Variants in SH3GL2 observed in about 807,000 individuals in gnomAD.
SH3GL2 encodes the protein SH3 domain containing GRB2 like 2, endophilin A1.
In SH3GL2, 24 loss-of-function variants were observed where a neutral mutation model predicts 46.0. That is an observed-to-expected ratio of 0.52 (90% CI 0.38 to 0.73). The LOEUF is 0.73. Ranked by LOEUF, SH3GL2 falls within the 30% of genes least tolerant of loss-of-function variation. The pLI, the probability that SH3GL2 is intolerant of heterozygous loss-of-function variation, is 0.00. For missense variants in SH3GL2, 413 were observed against 424.2 expected (o/e 0.97, Z 0.23); for synonymous variants, 196 against 147.1 (o/e 1.33, Z -2.40).
At chr9:17,757,015 A>C (rs1049296608) in intron 2 of SH3GL2, among the ~76,000 whole-genome samples, 1 of 152,116 alleles carries the variant, frequency 6.6e-6, no homozygotes, top group Non-Finnish European at 1.5e-5. Flanking sequence ...AATGATTACC[A>C]TTCTAACTGG....
At chr9:17,770,352 G>C (rs945074431) in intron 3 of SH3GL2, among the ~76,000 whole-genome samples, 29 of 152,268 alleles carry the variant, frequency 1.9e-4, no homozygotes, top group African/African-American at 6.7e-4. Flanking sequence ...TCTTTATTCA[G>C]ATATTACTAT....
chr9:17,725,513 C>T (rs1457950164), intron 1 of SH3GL2, among the ~76,000 whole-genome samples: 1 of 152,122 alleles, frequency 6.6e-6, no homozygotes, highest in Admixed American at 6.6e-5. Flanking sequence ...TAAAGTCAGT[C>T]TCCTCAGTCA....
chr9:17,718,711 C>A (rs1263280431), intron 1 of SH3GL2, among the ~76,000 whole-genome samples: 1 of 152,130 alleles, frequency 6.6e-6, no homozygotes, highest in African/African-American at 2.4e-5. Context: ...GCCTGGGTGA[C>A]AGAGTGAGAC....
chr9:17,655,034 A>G (rs752055829), intron 1 of SH3GL2, among the ~76,000 whole-genome samples: 1 of 152,196 alleles, frequency 6.6e-6, no homozygotes, highest in Non-Finnish European at 1.5e-5. Context: ...CTTTGTGTGA[A>G]AAATCCCTCA....
At chr9:17,661,222 C>G (rs1287690496) in intron 1 of SH3GL2, among the ~76,000 whole-genome samples, 1 of 152,166 alleles carries the variant, frequency 6.6e-6, no homozygotes, top group Admixed American at 6.5e-5. Context: ...TAGTACCAAT[C>G]TAGAAAACTG....
intron 1 of SH3GL2, chr9:17,653,893 C>T (rs1277075142): frequency 4.1e-6 from 4 of 966,768 alleles, no homozygotes; most frequent in Non-Finnish European, 4.9e-6. Context: ...TATGTGATGA[C>T]CTATCTTCAA....
At chr9:17,673,780 T>C (rs1267586927) in intron 1 of SH3GL2, among the ~76,000 whole-genome samples, 1 of 152,214 alleles carries the variant, frequency 6.6e-6, no homozygotes, top group Non-Finnish European at 1.5e-5. Context: ...TTACTCACCC[T>C]TGAGTCTTTA....
At chr9:17,651,415 T>A (rs1317860929) in intron 1 of SH3GL2, among the ~76,000 whole-genome samples, 10 of 152,218 alleles carry the variant, frequency 6.6e-5, no homozygotes, top group African/African-American at 2.4e-4. Context: ...CTTGAGAATC[T>A]TGTGTGATCT....
intron 1 of SH3GL2, among the ~76,000 whole-genome samples, chr9:17,666,517 T>C (rs1238111348): frequency 6.6e-6 from 1 of 151,094 alleles, no homozygotes; most frequent in Non-Finnish European, 1.5e-5. Flanking sequence ...TGTGTTTTCT[T>C]TTCCCACTCT....
intron 1 of SH3GL2, among the ~76,000 whole-genome samples, chr9:17,705,490 C>G (rs1405848493): frequency 6.6e-6 from 1 of 151,908 alleles, no homozygotes; most frequent in Non-Finnish European, 1.5e-5. Flanking sequence ...TAGAATCAAC[C>G]TAAATGGACT....
intron 1 of SH3GL2, among the ~76,000 whole-genome samples, chr9:17,580,315 C>A (rs940044211): frequency 1.3e-5 from 2 of 152,158 alleles, no homozygotes; most frequent in Non-Finnish European, 2.9e-5. Context: ...CGAGCTTTCT[C>A]ATAATTTCTC....
At chr9:17,793,591 TAGGAAATATGCAGTAATAC>T in intron 8 of SH3GL2, 94 bp downstream of exon 8, 18 of 1,209,156 alleles carry the variant, frequency 1.5e-5, no homozygotes, top group Non-Finnish European at 1.9e-5. Flanking sequence ...TCTGGCTGCA[TAGGAAATATGCAGTAATAC>T]ATTTCTTATG....
intron 1 of SH3GL2, among the ~76,000 whole-genome samples, chr9:17,682,100 A>C (rs1820784728): frequency 6.6e-6 from 1 of 152,182 alleles, no homozygotes; most frequent in Admixed American, 6.6e-5. Flanking sequence ...GAACACTTTC[A>C]CACTGTTGGT....
intron 1 of SH3GL2, among the ~76,000 whole-genome samples, chr9:17,719,997 T>C (rs894871700): frequency 6.6e-6 from 1 of 151,994 alleles, no homozygotes; most frequent in Admixed American, 6.6e-5. Flanking sequence ...TTATTTTTGA[T>C]GTGTTGAATA....
chr9:17,634,921 C>A (rs932958203), intron 1 of SH3GL2, among the ~76,000 whole-genome samples: 1 of 152,128 alleles, frequency 6.6e-6, no homozygotes, highest in East Asian at 1.9e-4. Context: ...TGTGGGGAAG[C>A]ATAGGATTCA....
chr9:17,673,489 T>A (rs1820526952), intron 1 of SH3GL2, among the ~76,000 whole-genome samples: 1 of 151,962 alleles, frequency 6.6e-6, no homozygotes, highest in Non-Finnish European at 1.5e-5. Context: ...GATCTTTGCC[T>A]GCTCAAGTCC....
At chr9:17,583,007 A>C (rs1361882694) in intron 1 of SH3GL2, among the ~76,000 whole-genome samples, 1 of 152,206 alleles carries the variant, frequency 6.6e-6, no homozygotes, top group Non-Finnish European at 1.5e-5. Context: ...ATCTTAAATA[A>C]TTACCATCTG....
intron 1 of SH3GL2, among the ~76,000 whole-genome samples, chr9:17,682,191 C>G (rs1028715063): frequency 6.6e-6 from 1 of 152,052 alleles, no homozygotes; most frequent in Non-Finnish European, 1.5e-5. Context: ...ACCGTTTGAC[C>G]CAGCAATCCC....
At chr9:17,580,078 T>C (rs1563770036) in intron 1 of SH3GL2, among the ~76,000 whole-genome samples, 1 of 152,244 alleles carries the variant, frequency 6.6e-6, no homozygotes. Flanking sequence ...CTGATTAATT[T>C]AGATTCTAAT....
Sources: gnomAD v4.1 joint callset for allele counts (sites outside exome capture counted in the v4.1 genomes callset) on GRCh38, gnomAD v4.1.1 for gene constraint, MANE v1.5 for transcripts, NCBI Gene and HGNC (gene_info 2026-07-23, HGNC 2026-07-21) for gene names.